RAPGEF1: variants seen among roughly 807,000 people sequenced by gnomAD.
RAPGEF1 encodes the protein CRK SH3-binding GNRP.
In RAPGEF1, 33 loss-of-function variants were observed where a neutral mutation model predicts 143.3. The observed-to-expected ratio is 0.23, with a 90% CI of 0.17 to 0.31. The LOEUF is 0.31. Among genes scored for constraint, RAPGEF1 ranks in the 10% least tolerant of loss-of-function variants. The pLI, the probability that RAPGEF1 is intolerant of heterozygous loss-of-function variation, is 1.00. For synonymous variants in RAPGEF1, 629 were observed against 676.5 expected (o/e 0.93, Z 1.09); for missense variants, 1,199 against 1,645.4 (o/e 0.73, Z 4.69).
rs749352108 is a variant in RAPGEF1 at position 131,650,171 on chromosome 9, A to G, written c.273T>C (p.Phe91=). ...PLDLEQQAVE[F]MSTSAVASRS... ...TGGAAGCCACAGCACTGGTGGACAT[A>G]AATTCTACTGCCTGCTGCTCCAGAT... The change falls in exon 3 of 27, where the codon TTT becomes TTC. Residue 91 remains phenylalanine, a synonymous_variant. Transcript: ENST00000683357. This position sits in a 1 kb window ranked among gnomAD's most constrained non-coding sequence, Gnocchi z 4.7. 2.5e-6 allele frequency: 4 copies of G among 1,613,932 alleles called. No homozygotes were observed. The highest frequency in any genetic ancestry group is 2.2e-5 in the East Asian group (1 of 44,888).
chr9:131,627,897 G>A lies in RAPGEF1; in HGVS notation c.1201+16C>T. On this transcript the variant is annotated intron_variant, in intron 9 of 26. Transcript: ENST00000683357. ...CCACCGAGACACGATGGAACAGGAGGATGGTGGCGGCTCACCTAGTGTTTC... is the reference window on the plus strand; with the variant it reads ...CCACCGAGACACGATGGAACAGGAGAATGGTGGCGGCTCACCTAGTGTTTC... 4 of 1,571,398 alleles carry A rather than the reference G, an allele frequency of 2.5e-6. No individual in the cohort carries two copies. Among genetic ancestry groups the A allele is most frequent in the Non-Finnish European group, 3.5e-6 (4 of 1,159,088 alleles).
At chr9:131,738,108 C>T (rs1399296093) in intron 1 of RAPGEF1, among the ~76,000 whole-genome samples, 3 of 152,088 alleles carry the variant, frequency 2.0e-5, no homozygotes, top group Non-Finnish European at 4.4e-5. Flanking sequence ...AGCCACTGTA[C>T]CTGGCTGACA....
At chr9:131,669,210 C>T (rs1460779424) in intron 1 of RAPGEF1, among the ~76,000 whole-genome samples, 4 of 152,200 alleles carry the variant, frequency 2.6e-5, no homozygotes, top group African/African-American at 9.6e-5. Context: ...AGGCCACCCT[C>T]TGGGCCTCCA....
rs980256003 is a variant in RAPGEF1, at chr9:131,584,226, G to A, written c.3414+85C>T. 1 of 1,272,996 alleles carries A rather than the reference G, an allele frequency of 7.9e-7. No homozygotes were observed. Among genetic ancestry groups the A allele is most frequent in the East Asian group, 2.5e-5 (1 of 39,606 alleles). The allele number at this position is 1,272,996 out of a possible 1,614,324, so 78.9% of individuals were successfully genotyped here. On this transcript the variant is annotated intron_variant, in intron 24 of 26. Transcript: ENST00000683357. The surrounding 1 kb of genome is among the most constrained non-coding windows in gnomAD (Gnocchi z 6.8). Reference sequence around the variant, plus strand: ...AGGCCCAGCATTTGCTCCAGTGGGAGCACTTTCTGCCACAGCTAGTCGCCT... The same window carrying A: ...AGGCCCAGCATTTGCTCCAGTGGGAACACTTTCTGCCACAGCTAGTCGCCT...
chr9:131,659,964 G>A (rs1449638181), intron 1 of RAPGEF1, among the ~76,000 whole-genome samples: 4 of 152,152 alleles, frequency 2.6e-5, no homozygotes, highest in African/African-American at 4.8e-5. Flanking sequence ...AACTACAGGC[G>A]CCCGCCACCA....
At position 131,709,750 on chromosome 9, in the gene RAPGEF1, G is replaced by A. The variant is rs558127233; in HGVS notation, c.61+30020C>T. On this transcript the variant is annotated intron_variant, in intron 1 of 26. Coordinates refer to ENST00000683357, the MANE Select transcript of RAPGEF1 (RefSeq NM_001377935.1). ...CTTTCCGGAGCAGCAACTGAGGACC[G>A]AGTCACTGGCTGAAAGGGGATATCT... The A allele has an allele frequency of 5.2e-5, 84 of 1,609,790 alleles. No homozygotes were observed. In the African/African-American group the frequency reaches 6.1e-4, roughly 12 times the overall value.
At chr9:131,626,466 C>T in intron 9 of RAPGEF1, 44 bp from the exon 10 acceptor site, 1 of 1,510,660 alleles carries the variant, frequency 6.6e-7, no homozygotes, top group Non-Finnish European at 8.9e-7. Flanking sequence ...AGCCACAGGC[C>T]CTGCAGGAGC....
chr9:131,651,034 C>T, intron 1 of RAPGEF1, 85 bp from the exon 2 acceptor site: 1 of 1,446,222 alleles, frequency 6.9e-7, no homozygotes, highest in Non-Finnish European at 9.3e-7. Flanking sequence ...GAGCAATGTC[C>T]CCAAACCCAT....
At chr9:131,620,889 G>A (rs1223749378) in intron 11 of RAPGEF1, among the ~76,000 whole-genome samples, 1 of 152,196 alleles carries the variant, frequency 6.6e-6, no homozygotes, top group African/African-American at 2.4e-5. Flanking sequence ...AGATGGCCCA[G>A]TGCACACCAG....
chr9:131,656,106 C>G (rs954378425), intron 1 of RAPGEF1, among the ~76,000 whole-genome samples: 13 of 152,194 alleles, frequency 8.5e-5, no homozygotes, highest in Admixed American at 2.0e-4. Flanking sequence ...GGCACCCGCT[C>G]AACACAAGGA....
Position 131,587,768 on chromosome 9 carries a change from C to A in RAPGEF1, c.3201G>T (p.Gln1067His), listed in dbSNP as rs1310819098. 1.2e-6 allele frequency: 2 copies of A among 1,613,796 alleles called. No homozygotes were observed. Among genetic ancestry groups the A allele is most frequent in the Non-Finnish European group, 1.7e-6 (2 of 1,179,830 alleles). ...ACATGTTGTTGAAGTGCTCCGTGAA[C>A]TGGGTCAAGTTGGGGCTCTTCTCCT... ...QNEEKSPNLT[Q>H]FTEHFNNMSY... Residue 1067 changes from glutamine to histidine, a missense_variant, in exon 22 of 27, where the codon CAG becomes CAT. This residue lies in a region of RAPGEF1 where 209 missense variants were observed against 403.0 expected (regional missense o/e 0.52). Coordinates refer to ENST00000683357, the MANE Select transcript of RAPGEF1 (RefSeq NM_001377935.1).
At chr9:131,647,438 A>AATCTGT (rs1564616689) in intron 3 of RAPGEF1, among the ~76,000 whole-genome samples, 1 of 152,176 alleles carries the variant, frequency 6.6e-6, no homozygotes, top group African/African-American at 2.4e-5. Flanking sequence ...AGCGAATCTG[A>AATCTGT]ATCTGTACTT....
Position 131,582,639 on chromosome 9 carries a change from G to C in RAPGEF1, c.3478C>G (p.Leu1160Val). 6.5e-7 allele frequency: 1 copy of C among 1,534,358 alleles called. No individual in the cohort carries two copies. The highest frequency in any genetic ancestry group is 8.7e-7 in the Non-Finnish European group (1 of 1,150,832). The change falls in exon 25 of 27, where the codon CTC (leucine) becomes GTC (valine). Residue 1160 changes from leucine (L) to valine (V), a missense_variant. This residue lies in a region of RAPGEF1 where 209 missense variants were observed against 403.0 expected (regional missense o/e 0.52). Coordinates refer to ENST00000683357, the MANE Select transcript of RAPGEF1 (RefSeq NM_001377935.1). Reference sequence around the variant, plus strand: ...ATGCACGGCGGTTCCACCTCCGAGAGGGCGGCCCGGTAGGCTCGGAAGGAG... The same window carrying C: ...ATGCACGGCGGTTCCACCTCCGAGACGGCGGCCCGGTAGGCTCGGAAGGAG... ...SSSFRAYRAA[L>V]SEVEPPCIPY... is the part of the protein sequence containing the mutation.
At chr9:131,627,792 A>T in intron 9 of RAPGEF1, 121 bp downstream of exon 9, 1 of 1,035,782 alleles carries the variant, frequency 9.7e-7, no homozygotes, top group Non-Finnish European at 1.4e-6. Context: ...CTCAGATTTT[A>T]AACAAGTCAG....
At chr9:131,647,740 T>C (rs1970028745) in intron 3 of RAPGEF1, among the ~76,000 whole-genome samples, 1 of 152,132 alleles carries the variant, frequency 6.6e-6, no homozygotes, top group Non-Finnish European at 1.5e-5. Context: ...AACACAGACA[T>C]CCAACCCTTC....
chr9:131,729,824 G>A (rs1301428202), intron 1 of RAPGEF1, among the ~76,000 whole-genome samples: 5 of 152,068 alleles, frequency 3.3e-5, no homozygotes, highest in Admixed American at 6.5e-5. Context: ...CATCGTTCCC[G>A]GCACACAGGA....
At chr9:131,586,562 C>A (rs1952913779) in intron 22 of RAPGEF1, among the ~76,000 whole-genome samples, 2 of 62,808 alleles carry the variant, frequency 3.2e-5, no homozygotes, top group Non-Finnish European at 2.7e-5. Flanking sequence ...AGCGAGACTC[C>A]GTCTCAAACA....
intron 15 of RAPGEF1, among the ~76,000 whole-genome samples, chr9:131,600,332 T>C (rs903100259): frequency 1.3e-5 from 2 of 152,208 alleles, no homozygotes; most frequent in African/African-American, 4.8e-5. Context: ...GACGATACTT[T>C]GGGGTCCAGT....
At chr9:131,723,093 C>T (rs968022950) in intron 1 of RAPGEF1, among the ~76,000 whole-genome samples, 3 of 152,102 alleles carry the variant, frequency 2.0e-5, no homozygotes, top group Admixed American at 6.6e-5. Flanking sequence ...ACTCAGGATG[C>T]TGAGGCAGGA....
Sources: gnomAD v4.1 joint callset for allele counts (sites outside exome capture counted in the v4.1 genomes callset) on GRCh38, gnomAD v4.1.1 for gene constraint, gnomAD v4.1.1 regional missense constraint, Gnocchi (gnomAD v3.1) non-coding constraint, MANE v1.5 for transcripts, NCBI Gene and HGNC (gene_info 2026-07-23, HGNC 2026-07-21) for gene names.